The following RELN variants were observed in gnomAD, a reference collection of about 807,000 sequenced individuals.
RELN encodes the protein reelin.
In RELN, 108 loss-of-function variants were observed where a neutral mutation model predicts 427.6. That is an observed-to-expected ratio of 0.25 (90% CI 0.22 to 0.30). The LOEUF (loss-of-function observed/expected upper bound fraction) is 0.30, where lower values mean the gene tolerates loss of function less well. RELN is among the 10% of genes least tolerant of loss of function. The probability of loss-of-function intolerance (pLI) is 1.00; values close to 1 mark genes in which losing one functional copy is unlikely to be tolerated. For synonymous variants in RELN, 1,524 were observed against 1,513.4 expected, an observed-to-expected ratio of 1.01 and a Z score of -0.16; for missense variants, 3,715 against 4,302.8, an observed-to-expected ratio of 0.86 and a Z score of 3.82.
chr7:103,957,602 A>G (rs1397587130), intron 1 of RELN, among the ~76,000 whole-genome samples: 1 of 152,162 alleles, frequency 6.6e-6, no homozygotes, highest in African/African-American at 2.4e-5. Context: ...ACACATGCTC[A>G]CACGTGCTCA....
At chr7:103,914,535 A>G (rs1421551366) in intron 2 of RELN, among the ~76,000 whole-genome samples, 1 of 152,170 alleles carries the variant, frequency 6.6e-6, no homozygotes, top group Non-Finnish European at 1.5e-5. Context: ...TTCCAAGATT[A>G]TAATCTGGAA....
chr7:103,859,920 T>C (rs917904582), intron 2 of RELN, among the ~76,000 whole-genome samples: 1 of 152,152 alleles, frequency 6.6e-6, no homozygotes, highest in East Asian at 1.9e-4. Context: ...GATGACTTCA[T>C]TAAAAAAACA....
chr7:103,862,864 AAATC>A (rs1333272196), intron 2 of RELN, among the ~76,000 whole-genome samples: 1 of 152,058 alleles, frequency 6.6e-6, no homozygotes, highest in African/African-American at 2.4e-5. Context: ...AATAGGCAGG[AAATC>A]AGAGAATGGA....
At chr7:103,892,414 G>C (rs1794870854) in intron 2 of RELN, among the ~76,000 whole-genome samples, 1 of 152,156 alleles carries the variant, frequency 6.6e-6, no homozygotes, top group African/African-American at 2.4e-5. Flanking sequence ...GGGTGAAAGG[G>C]AAGATTAAAA....
At chr7:103,743,966 T>C (rs1283000305) in intron 6 of RELN, among the ~76,000 whole-genome samples, 1 of 152,276 alleles carries the variant, frequency 6.6e-6, no homozygotes, top group African/African-American at 2.4e-5. Flanking sequence ...ATACATTCTT[T>C]TCAGCACCAC....
chr7:103,721,879 G>A (rs947624950), intron 8 of RELN, among the ~76,000 whole-genome samples: 1 of 152,026 alleles, frequency 6.6e-6, no homozygotes, highest in Non-Finnish European at 1.5e-5. Context: ...TGCCTGTCAC[G>A]CTACAGTTAA....
intron 3 of RELN, among the ~76,000 whole-genome samples, chr7:103,826,687 T>C (rs11977571): frequency 0.097 from 14,827 of 152,108 alleles, 827 homozygotes; most frequent in Non-Finnish European, 0.12. Flanking sequence ...ATTCTAGTGA[T>C]AGGGAAATAA....
At chr7:103,929,325 C>G (rs1368396503) in intron 1 of RELN, among the ~76,000 whole-genome samples, 1 of 152,144 alleles carries the variant, frequency 6.6e-6, no homozygotes, top group African/African-American at 2.4e-5. Context: ...CAACTCTTAT[C>G]TAAAAATCAC....
At chr7:103,749,961 A>C (rs1465337351) in intron 5 of RELN, among the ~76,000 whole-genome samples, 1 of 146,648 alleles carries the variant, frequency 6.8e-6, no homozygotes, top group Non-Finnish European at 1.5e-5. Flanking sequence ...CATGACAGTG[A>C]GTTCTCATGA....
chr7:103,833,705 CAACAA>C (rs1563040137), intron 2 of RELN, 33 bp from the exon 3 acceptor site: 16 of 1,598,890 alleles, frequency 1.0e-5, no homozygotes. Context: ...GTTACAAAGA[CAACAA>C]AACAAAGATC....
intron 64 of RELN, among the ~76,000 whole-genome samples, chr7:103,473,822 T>A (rs1186280279): frequency 1.3e-5 from 2 of 152,204 alleles, no homozygotes; most frequent in Non-Finnish European, 2.9e-5. Context: ...AATATATCCA[T>A]ATGTGGCATC....
At chr7:103,811,065 T>C (rs561316550) in intron 3 of RELN, among the ~76,000 whole-genome samples, 1 of 152,362 alleles carries the variant, frequency 6.6e-6, no homozygotes, top group African/African-American at 2.4e-5. Context: ...TGTTCAATTA[T>C]TTATTTTTTA....
At chr7:103,661,558 T>C (rs1833144697) in intron 11 of RELN, 31 bp from the exon 12 acceptor site, 1 of 1,604,700 alleles carries the variant, frequency 6.2e-7, no homozygotes, top group Admixed American at 1.7e-5. Flanking sequence ...AGAGTTAGAG[T>C]TAGAATATTA....
At chr7:103,908,315 G>C (rs1014478447) in intron 2 of RELN, among the ~76,000 whole-genome samples, 2 of 152,084 alleles carry the variant, frequency 1.3e-5, no homozygotes, top group South Asian at 4.2e-4. Context: ...ACTTCATTCC[G>C]AGTCTTTAAA....
At chr7:103,855,725 G>C (rs1240080941) in intron 2 of RELN, among the ~76,000 whole-genome samples, 1 of 152,084 alleles carries the variant, frequency 6.6e-6, no homozygotes, top group Non-Finnish European at 1.5e-5. Flanking sequence ...CCTGAGAGAG[G>C]ATCTGTCCTG....
At chr7:103,816,808 A>G (rs1361945959) in intron 3 of RELN, among the ~76,000 whole-genome samples, 2 of 152,012 alleles carry the variant, frequency 1.3e-5, no homozygotes, top group African/African-American at 4.8e-5. Context: ...GATAACTCAC[A>G]GACTATCATT....
chr7:103,550,076 C>T (rs1363829349), intron 41 of RELN, among the ~76,000 whole-genome samples: 2 of 152,146 alleles, frequency 1.3e-5, no homozygotes, highest in African/African-American at 4.8e-5. Flanking sequence ...CATATCCTGG[C>T]ATAATCGCAA....
intron 13 of RELN, among the ~76,000 whole-genome samples, chr7:103,653,796 T>A (rs1832971321): frequency 6.6e-6 from 1 of 152,060 alleles, no homozygotes; most frequent in Non-Finnish European, 1.5e-5. Flanking sequence ...GGGGCATAAT[T>A]AGAGTTACAT....
chr7:103,761,350 T>G (rs745320690), intron 4 of RELN, among the ~76,000 whole-genome samples: 2 of 152,224 alleles, frequency 1.3e-5, no homozygotes, highest in Non-Finnish European at 2.9e-5. Flanking sequence ...TGGGGAGATA[T>G]CCACACATTT....
Sources: gnomAD v4.1 joint callset for allele counts (sites outside exome capture counted in the v4.1 genomes callset) on GRCh38, gnomAD v4.1.1 for gene constraint, MANE v1.5 for transcripts, NCBI Gene and HGNC (gene_info 2026-07-23, HGNC 2026-07-21) for gene names.